ITPKB: variants seen among roughly 807,000 people sequenced by gnomAD.
The protein encoded by ITPKB is IP3 3-kinase B.
Under a neutral mutation model 69.4 loss-of-function variants are expected in ITPKB, and 13 were observed. The ratio of observed to expected loss-of-function variants is 0.19; its 90% CI spans 0.12 to 0.30. ITPKB has a LOEUF of 0.30. Among genes scored for constraint, ITPKB ranks in the 10% least tolerant of loss-of-function variants. The pLI, the probability that ITPKB is intolerant of heterozygous loss-of-function variation, is 1.00. For synonymous variants in ITPKB, 584 were observed against 513.7 expected (o/e 1.14, Z -1.85); for missense variants, 1,240 against 1,250.5 (o/e 0.99, Z 0.13).
rs549264562 is a variant in ITPKB at position 226,738,319 on chromosome 1, C to T, written c.-205-656G>A. Among the ~76,000 whole-genome samples, 4 of 152,252 alleles carry T rather than the reference C, an allele frequency of 2.6e-5. No individual in the cohort carries two copies. Among genetic ancestry groups the T allele is most frequent in the East Asian group, 1.9e-4 (1 of 5,166 alleles). On this transcript the variant is annotated intron_variant, in intron 1 of 7. Transcript: ENST00000429204. This position sits in a 1 kb window ranked among gnomAD's most constrained non-coding sequence, Gnocchi z 4.2. ...CCTGGGCGGGCAGCGGGGCCGCAGC[C>T]GAAGCATTTTTCAGGGCTAGCCTTG...
chr1:226,665,112 G>A lies in ITPKB; in HGVS notation c.1933-16341C>T, dbSNP rs148419118. 1.9e-3 allele frequency among the ~76,000 whole-genome samples: 297 copies of A among 152,316 alleles called. 2 individuals carry two copies. The highest frequency in any genetic ancestry group is 6.0e-3 in the African/African-American group (251 of 41,552). ...AAAATCAGATTCCACACAAAAATCCGAATTCCCAACTTCTCTTTGAAATCC... is the reference window on the plus strand; with the variant it reads ...AAAATCAGATTCCACACAAAAATCCAAATTCCCAACTTCTCTTTGAAATCC... On this transcript the variant is annotated intron_variant, in intron 2 of 7. Coordinates refer to ENST00000429204, the MANE Select transcript of ITPKB (RefSeq NM_002221.4).
At position 226,634,711 on chromosome 1, in the gene ITPKB, T is replaced by C. The variant is rs1380661104; in HGVS notation, c.2801A>G (p.Asp934Gly). The C allele has an allele frequency of 3.2e-6, 3 of 951,072 alleles. No homozygotes were observed. The highest frequency in any genetic ancestry group is 1.6e-5 in the African/African-American group (1 of 62,162). 58.9% of individuals were successfully genotyped at this position (951,072 alleles called of 1,614,324 possible). The change falls in exon 8 of 8, where the codon GAC becomes GGC. Residue 934 changes from aspartate (D) to glycine (G), a missense_variant. Transcript: ENST00000429204. The surrounding 1 kb of genome is among the most constrained non-coding windows in gnomAD (Gnocchi z 6.3). ...ATCCTGGGACATCTCGGTCAGGATG[T>C]CGACGAGGTTATTGAGCCCCGAGAG... ...GYLSGLNNLVDILTEMSQDAP... is the reference protein window; with the variant it reads ...GYLSGLNNLVGILTEMSQDAP...
chr1:226,736,742 G>A lies in ITPKB; in HGVS notation c.717C>T (p.Gly239=). 1.2e-6 allele frequency: 2 copies of A among 1,612,830 alleles called. No individual in the cohort carries two copies. The highest frequency in any genetic ancestry group is 1.7e-5 in the Admixed American group (1 of 60,020). ...CCTCTGATCCTGTAGGGGCAGCCCG[G>A]CCGGGAAGAGGTGGCATTCCTTTCT... ...QVKKGMPPLP[G]RAAPTGSEAQ... The change falls in exon 2 of 8, where the codon GGC becomes GGT. Residue 239 remains glycine, a synonymous_variant. Transcript: ENST00000429204.
chr1:226,673,391 G>A (rs903583618), intron 2 of ITPKB, among the ~76,000 whole-genome samples: 18 of 152,124 alleles, frequency 1.2e-4, no homozygotes, highest in African/African-American at 4.3e-4. Context: ...AAATAAAACA[G>A]GGATGAACTG....
chr1:226,710,386 G>T (rs1656917271), intron 2 of ITPKB, among the ~76,000 whole-genome samples: 2 of 152,226 alleles, frequency 1.3e-5, no homozygotes, highest in African/African-American at 4.8e-5. Flanking sequence ...CAGCGCCCTT[G>T]TTCAAAAAGC....
rs745694833 is a variant in ITPKB at position 226,641,887 on chromosome 1, G to T, written c.2451+34C>A. The T allele has an allele frequency of 5.0e-6, 8 of 1,590,374 alleles. No homozygotes were observed. Among genetic ancestry groups the T allele is most frequent in the Non-Finnish European group, 6.9e-6 (8 of 1,163,426 alleles). ...CAAGCCCCCTGAGGTGGGCACGGGT[G>T]GGGCCCGAGGCTGCCCTCACTCGCC... On this transcript the variant is annotated intron_variant, in intron 5 of 7. Transcript: ENST00000429204. The surrounding 1 kb of genome is among the most constrained non-coding windows in gnomAD (Gnocchi z 4.6).
intron 2 of ITPKB, among the ~76,000 whole-genome samples, chr1:226,696,670 A>G (rs1004448457): frequency 6.6e-6 from 1 of 152,212 alleles, no homozygotes; most frequent in Non-Finnish European, 1.5e-5. Flanking sequence ...ACTCACAGCT[A>G]GCACCAGCAA....
rs144353948 is a variant in ITPKB, at chr1:226,637,057, GGATT to G, written c.2625+618_2625+621del. Among the ~76,000 whole-genome samples, 695 of 152,196 alleles carry G rather than the reference GGATT, an allele frequency of 4.6e-3. 13 individuals carry two copies. The highest frequency in any genetic ancestry group is 0.031 in the Admixed American group (481 of 15,282). ...GTGATCTGTGAATGTGTGTGGTATAGGATTGATGAGTGTGGGATCTGTGAATGTG... is the reference window on the plus strand; with the variant it reads ...GTGATCTGTGAATGTGTGTGGTATAGGATGAGTGTGGGATCTGTGAATGTG... On this transcript the variant is annotated intron_variant, in intron 7 of 7. Coordinates refer to ENST00000429204, the MANE Select transcript of ITPKB (RefSeq NM_002221.4). The surrounding 1 kb of genome is among the most constrained non-coding windows in gnomAD (Gnocchi z 4.3).
intron 2 of ITPKB, among the ~76,000 whole-genome samples, chr1:226,670,175 CAAAAAA>C (rs35767912): frequency 1.6e-3 from 50 of 31,998 alleles, no homozygotes; most frequent in Admixed American, 3.0e-3. Flanking sequence ...AGCTCCGCCG[CAAAAAA>C]AAAAAAAAAA....
intron 2 of ITPKB, among the ~76,000 whole-genome samples, chr1:226,710,317 G>A (rs1279628555): frequency 6.6e-6 from 1 of 152,184 alleles, no homozygotes. Flanking sequence ...AGATAGCAAT[G>A]AAGTAAGCAA....
At position 226,738,517 on chromosome 1, in the gene ITPKB, T is replaced by C. The variant is rs1469685933; in HGVS notation, c.-206+524A>G. Reference sequence around the variant, plus strand: ...ATACGCCGCACGCGCGCGGAGCGAGTCCGCTCTCAGCGCGCCCTGTTGCCG... The same window carrying C: ...ATACGCCGCACGCGCGCGGAGCGAGCCCGCTCTCAGCGCGCCCTGTTGCCG... On this transcript the variant is annotated intron_variant, in intron 1 of 7. Transcript: ENST00000429204. This position sits in a 1 kb window ranked among gnomAD's most constrained non-coding sequence, Gnocchi z 4.2. Among the ~76,000 whole-genome samples the C allele has an allele frequency of 6.6e-6, 1 of 151,754 alleles. No homozygotes were observed. The highest frequency in any genetic ancestry group is 1.5e-5 in the Non-Finnish European group (1 of 67,918).
chr1:226,708,465 GAGT>G (rs1341329148), intron 2 of ITPKB, among the ~76,000 whole-genome samples: 1 of 152,168 alleles, frequency 6.6e-6, no homozygotes, highest in African/African-American at 2.4e-5. Context: ...ACTTAGGCAC[GAGT>G]AACTCGAGAC....
At position 226,642,208 on chromosome 1, in the gene ITPKB, G is replaced by T; in HGVS notation, c.2247-83C>A. The T allele has an allele frequency of 8.5e-7, 1 of 1,172,862 alleles. No individual in the cohort carries two copies. Among genetic ancestry groups the T allele is most frequent in the Non-Finnish European group, 1.2e-6 (1 of 816,962 alleles). The allele number at this position is 1,172,862 out of a possible 1,614,324, so 72.7% of individuals were successfully genotyped here. A position where few individuals can be genotyped will look rare whatever the true frequency, so the allele number is the denominator to read the frequency against. ...CTCCTTTCCTGCCTGGTGGATGAAG[G>T]TTTGGGGCGTGTGTTGCCCAACAGC... is the stretch of plus-strand genomic sequence containing the variant. On this transcript the variant is annotated intron_variant, in intron 4 of 7. Transcript: ENST00000429204. This position sits in a 1 kb window ranked among gnomAD's most constrained non-coding sequence, Gnocchi z 6.4.
intron 2 of ITPKB, among the ~76,000 whole-genome samples, chr1:226,686,449 T>A (rs1294629374): frequency 6.6e-6 from 1 of 152,192 alleles, no homozygotes; most frequent in Non-Finnish European, 1.5e-5. Flanking sequence ...AAGTCCAGAG[T>A]TTGACCTTTG....
Position 226,697,601 on chromosome 1 carries a change from T to C in ITPKB, c.1932+37926A>G, listed in dbSNP as rs143195424. Reference sequence around the variant, plus strand: ...CTGAGGAATAAGCTGAAATCAAACATACCTGATAGGCGAACTGGGCTTGAT... The same window carrying C: ...CTGAGGAATAAGCTGAAATCAAACACACCTGATAGGCGAACTGGGCTTGAT... On this transcript the variant is annotated intron_variant, in intron 2 of 7. Transcript: ENST00000429204. Among the ~76,000 whole-genome samples, 242 of 152,306 alleles carry C rather than the reference T, an allele frequency of 1.6e-3. 1 individual carries two copies. Among genetic ancestry groups the C allele is most frequent in the African/African-American group, 5.7e-3 (235 of 41,576 alleles).
At chr1:226,655,134 G>C (rs1669266343) in intron 2 of ITPKB, among the ~76,000 whole-genome samples, 2 of 151,516 alleles carry the variant, frequency 1.3e-5, no homozygotes, top group Admixed American at 6.6e-5. Flanking sequence ...GGGAAGGAGA[G>C]ACCCAGGTTT....
Position 226,680,847 on chromosome 1 carries a change from G to A in ITPKB, c.1933-32076C>T, listed in dbSNP as rs1656070329. ...AGCTACCCTGTCCCTGGGACAAACG[G>A]GAAAATGTTCAGCCCCATCCTGGGT... On this transcript the variant is annotated intron_variant, in intron 2 of 7. Coordinates refer to ENST00000429204, the MANE Select transcript of ITPKB (RefSeq NM_002221.4). 2.0e-5 allele frequency among the ~76,000 whole-genome samples: 3 copies of A among 152,146 alleles called. No individual in the cohort carries two copies. The South Asian group carries it at 6.2e-4, about 32-fold the overall frequency.
In ITPKB at chr1:226,735,716, G is replaced by A; in HGVS notation, c.1743C>T (p.Ala581=). 1 of 1,587,700 alleles carries A rather than the reference G, an allele frequency of 6.3e-7. No homozygotes were observed. The highest frequency in any genetic ancestry group is 1.3e-5 in the African/African-American group (1 of 74,230). The change falls in exon 2 of 8, where the codon GCC becomes GCT. Residue 581 remains alanine, a synonymous_variant. Transcript: ENST00000429204. ...ITDMGTQEDG[A]LEETQGSPRG... is the part of the protein sequence containing the mutation. ...GAGGGCTTCCCTGCGTCTCCTCCAA[G>A]GCCCCATCCTCCTGGGTGCCCATGT...
Position 226,633,153 on chromosome 1 carries a change from C to T in ITPKB, c.*1518G>A, listed in dbSNP as rs1668758940. On this transcript the variant is annotated 3_prime_UTR_variant, in exon 8 of 8. Transcript: ENST00000429204. ...ATCCTCATGTGTCCCACCCTCCACC[C>T]CCAGCAAGTGTCACTCACACTTCCA... The T allele has an allele frequency of 6.6e-6, 1 of 152,228 alleles. No homozygotes were observed. 9.4% of individuals were successfully genotyped at this position (152,228 alleles called of 1,614,324 possible).
Sources: allele counts gnomAD v4.1 joint callset (sites outside exome capture counted in the v4.1 genomes callset), GRCh38; gene constraint gnomAD v4.1.1; non-coding constraint Gnocchi (gnomAD v3.1); transcripts MANE v1.5; gene names NCBI Gene and HGNC (gene_info 2026-07-23, HGNC 2026-07-21).